Variants in CFAP54 observed in about 807,000 individuals in gnomAD.
The protein encoded by CFAP54 is cilia and flagella associated protein 54.
CFAP54 carries 290 observed loss-of-function variants against 370.4 expected under a neutral mutation model. The ratio of observed to expected loss-of-function variants is 0.78; its 90% CI spans 0.71 to 0.86. The LOEUF (loss-of-function observed/expected upper bound fraction) is 0.86, where lower values mean the gene tolerates loss of function less well. Ranked by LOEUF, CFAP54 falls within the 40% of genes least tolerant of loss-of-function variation. The pLI is 0.00. For missense variants in CFAP54, 3,399 were observed against 3,528.7 expected (o/e 0.96, Z 0.93); for synonymous variants, 1,206 against 1,236.5 (o/e 0.98, Z 0.52).
intron 19 of CFAP54, among the ~76,000 whole-genome samples, chr12:96,568,775 ACT>A (rs1165325951): frequency 2.6e-5 from 4 of 151,868 alleles, no homozygotes; most frequent in Non-Finnish European, 4.4e-5. Context: ...AAATTTTCTG[ACT>A]CTGTGGATCT....
intron 63 of CFAP54, among the ~76,000 whole-genome samples, chr12:96,800,734 AAGAG>A (rs778522774): frequency 6.6e-6 from 1 of 152,228 alleles, no homozygotes; most frequent in Non-Finnish European, 1.5e-5. Context: ...AGATAATAAT[AAGAG>A]AGAAAACTAA....
At position 96,534,154 on chromosome 12, in the gene CFAP54, T is replaced by G; in HGVS notation, c.1632T>G (p.Gly544=). Residue 544 remains glycine, a synonymous_variant, in exon 11 of 68, where the codon GGT becomes GGG. Transcript: ENST00000524981. ...TAATCAACGTGAAGAGAAACAAAGG[T>G]TTGATCTTTCCTTTGGAAAACTATA... ...EPLINVKRNK[G]LIFPLENYKE... is the part of the protein sequence containing the mutation. 6.5e-7 allele frequency: 1 copy of G among 1,526,994 alleles called. No homozygotes were observed. 94.6% of individuals were successfully genotyped at this position (1,526,994 alleles called of 1,614,324 possible). A position where few individuals can be genotyped will look rare whatever the true frequency, so the allele number is the denominator to read the frequency against.
At chr12:96,599,755 C>T (rs528362895) in intron 26 of CFAP54, among the ~76,000 whole-genome samples, 2 of 152,278 alleles carry the variant, frequency 1.3e-5, no homozygotes, top group Admixed American at 6.5e-5. Flanking sequence ...TCTCTGATGA[C>T]CAGTGATGAT....
At chr12:96,754,830 G>A (rs551098719) in intron 56 of CFAP54, among the ~76,000 whole-genome samples, 10 of 151,558 alleles carry the variant, frequency 6.6e-5, no homozygotes, top group South Asian at 2.1e-4. Context: ...TGCAACCTTC[G>A]CCTCCTGGGT....
intron 50 of CFAP54, among the ~76,000 whole-genome samples, chr12:96,728,857 T>G (rs1308817137): frequency 2.0e-5 from 3 of 152,206 alleles, no homozygotes; most frequent in Admixed American, 2.0e-4. Flanking sequence ...GGGTTTTTGG[T>G]GTGGATGTCC....
intron 30 of CFAP54, among the ~76,000 whole-genome samples, chr12:96,627,993 TACTG>T (rs1361334319): frequency 6.6e-6 from 1 of 152,254 alleles, no homozygotes; most frequent in African/African-American, 2.4e-5. Context: ...GATACATAAA[TACTG>T]ACTATTATGT....
At chr12:96,596,850 T>C (rs1197186473) in intron 25 of CFAP54, among the ~76,000 whole-genome samples, 1 of 151,672 alleles carries the variant, frequency 6.6e-6, no homozygotes, top group Non-Finnish European at 1.5e-5. Flanking sequence ...AATAGAAAAA[T>C]AGGCACAGGA....
intron 67 of CFAP54, among the ~76,000 whole-genome samples, chr12:96,874,649 A>G (rs536792611): frequency 2.8e-5 from 1 of 35,900 alleles, no homozygotes; most frequent in South Asian, 6.4e-4. Flanking sequence ...TTTTTTTTTG[A>G]GACGGAGTCT....
At chr12:96,609,551 A>T (rs764610019) in intron 26 of CFAP54, among the ~76,000 whole-genome samples, 1 of 152,124 alleles carries the variant, frequency 6.6e-6, no homozygotes, top group African/African-American at 2.4e-5. Context: ...GACTCCTAAC[A>T]GTGAGATTCA....
intron 32 of CFAP54, among the ~76,000 whole-genome samples, chr12:96,641,727 A>G (rs1350650926): frequency 6.6e-6 from 1 of 152,214 alleles, no homozygotes; most frequent in Non-Finnish European, 1.5e-5. Flanking sequence ...GCACATATAC[A>G]CCATGGAATA....
At chr12:96,837,540 G>A (rs1406008059) in intron 66 of CFAP54, among the ~76,000 whole-genome samples, 1 of 152,162 alleles carries the variant, frequency 6.6e-6, no homozygotes, top group East Asian at 1.9e-4. Context: ...TATAAGTGCA[G>A]GTTGGGTCTT....
chr12:96,824,558 A>G (rs1243327067), intron 65 of CFAP54, among the ~76,000 whole-genome samples: 1 of 152,188 alleles, frequency 6.6e-6, no homozygotes, highest in Non-Finnish European at 1.5e-5. Context: ...AATAAGGGGT[A>G]TATAGGAGTG....
rs115910224 is a variant in CFAP54, at chr12:96,659,630, G to A, written c.5460+1284G>A. Among the ~76,000 whole-genome samples the A allele has an allele frequency of 9.7e-3, 1,479 of 152,220 alleles. 25 individuals are homozygous for A. The highest frequency in any genetic ancestry group is 0.033 in the African/African-American group (1,376 of 41,514). On this transcript the variant is annotated intron_variant, in intron 38 of 67. Transcript: ENST00000524981. ...CTCATGAAGGCAAAAGTACCCAGGG[G>A]CCCTTGAAAGTCATGGTATATCTTG... is the stretch of plus-strand genomic sequence containing the variant.
At chr12:96,496,805 T>C (rs1803878428) in intron 1 of CFAP54, among the ~76,000 whole-genome samples, 1 of 152,146 alleles carries the variant, frequency 6.6e-6, no homozygotes, top group Admixed American at 6.6e-5. Flanking sequence ...CATATATAAT[T>C]TCTGAGGGAG....
intron 65 of CFAP54, among the ~76,000 whole-genome samples, chr12:96,827,094 TGTGC>T (rs1959126390): frequency 3.9e-5 from 5 of 128,896 alleles, no homozygotes; most frequent in African/African-American, 1.4e-4. Context: ...TTATATATAA[TGTGC>T]AATTATATGT....
In CFAP54 at chr12:96,649,949, G is replaced by T; in HGVS notation, c.4749G>T (p.Lys1583Asn). 1.2e-6 allele frequency: 2 copies of T among 1,612,212 alleles called. No individual in the cohort carries two copies. The highest frequency in any genetic ancestry group is 1.7e-6 in the Non-Finnish European group (2 of 1,178,870). Residue 1583 changes from lysine to asparagine, a missense_variant, in exon 35 of 68, where the codon AAG becomes AAT. Transcript: ENST00000524981. ...NSIMSDENMS[K>N]TQTVYDSDSQ... ...TAATGAGTGATGAAAATATGTCCAA[G>T]ACACAAACAGTTTATGACTCAGACT...
At chr12:96,557,251 A>G (rs886310665) in intron 17 of CFAP54, among the ~76,000 whole-genome samples, 2 of 152,194 alleles carry the variant, frequency 1.3e-5, no homozygotes, top group East Asian at 1.9e-4. Context: ...TCTAGTGGCA[A>G]TTTACTAACG....
chr12:96,673,738 C>T (rs906048862), intron 39 of CFAP54, among the ~76,000 whole-genome samples: 27 of 152,172 alleles, frequency 1.8e-4, no homozygotes, highest in Non-Finnish European at 3.7e-4. Context: ...CACACCAGAT[C>T]GCTGCTTTAG....
Position 96,564,767 on chromosome 12 carries a change from TA to T in CFAP54, c.2619+4del. On this transcript the variant is annotated splice_donor_region_variant and intron_variant, in intron 19 of 67. Transcript: ENST00000524981. The stretch of plus-strand genomic sequence containing the variant: ...ACATCTTCATGGGAACTTTTGATGG[TA>T]ACAGTATTTCATTTCTTCTTTTAAT... The T allele has an allele frequency of 1.7e-6, 1 of 603,856 alleles. No individual in the cohort carries two copies. The highest frequency in any genetic ancestry group is 3.2e-5 in the Admixed American group (1 of 30,850). 37.4% of individuals were successfully genotyped at this position (603,856 alleles called of 1,614,324 possible). A position where few individuals can be genotyped will look rare whatever the true frequency, so the allele number is the denominator to read the frequency against.
Sources: allele counts gnomAD v4.1 joint callset (sites outside exome capture counted in the v4.1 genomes callset), GRCh38; gene constraint gnomAD v4.1.1; transcripts MANE v1.5; gene names NCBI Gene and HGNC (gene_info 2026-07-23, HGNC 2026-07-21).